The following NEGR1 variants were observed in gnomAD, a reference collection of about 807,000 sequenced individuals.
NEGR1 encodes the protein neuronal growth regulator 1.
Under a neutral mutation model 40.9 loss-of-function variants are expected in NEGR1, and 10 were observed. The ratio of observed to expected loss-of-function variants is 0.24; its 90% CI spans 0.15 to 0.42. NEGR1 has a LOEUF of 0.42. NEGR1 is among the 10% of genes least tolerant of loss of function. The pLI, the probability that NEGR1 is intolerant of heterozygous loss-of-function variation, is 1.00. For synonymous variants in NEGR1, 185 were observed against 166.8 expected, an observed-to-expected ratio of 1.11 and a Z score of -0.84; for missense variants, 352 against 438.9, an observed-to-expected ratio of 0.80 and a Z score of 1.77.
At chr1:72,157,067 A>G (rs1651387088) in intron 1 of NEGR1, among the ~76,000 whole-genome samples, 2 of 151,948 alleles carry the variant, frequency 1.3e-5, no homozygotes, top group Admixed American at 1.3e-4. Context: ...AGCTCAAGCA[A>G]TCCTCCTACC....
chr1:71,686,874 C>T (rs1232121970), intron 4 of NEGR1, among the ~76,000 whole-genome samples: 2 of 152,098 alleles, frequency 1.3e-5, no homozygotes. Flanking sequence ...TTGACATCCA[C>T]AGGGAAAAAC....
chr1:71,901,336 C>T (rs551743073), intron 2 of NEGR1, among the ~76,000 whole-genome samples: 111 of 152,252 alleles, frequency 7.3e-4, no homozygotes, highest in African/African-American at 2.1e-3. Context: ...CTGGCACATT[C>T]GTACAATTAT....
intron 1 of NEGR1, among the ~76,000 whole-genome samples, chr1:72,276,340 T>A (rs531527004): frequency 6.6e-6 from 1 of 152,136 alleles, no homozygotes; most frequent in Non-Finnish European, 1.5e-5. Flanking sequence ...TAAAGAAAGA[T>A]CTTTAATTTT....
chr1:72,213,416 C>A (rs113766516), intron 1 of NEGR1, among the ~76,000 whole-genome samples: 64 of 151,888 alleles, frequency 4.2e-4, no homozygotes, highest in African/African-American at 1.4e-3. Flanking sequence ...ATAAATTATG[C>A]AGTTTAAAAA....
intron 1 of NEGR1, among the ~76,000 whole-genome samples, chr1:72,153,912 G>T (rs1651257804): frequency 6.6e-6 from 1 of 151,430 alleles, no homozygotes; most frequent in South Asian, 2.1e-4. Context: ...AACAAACTAA[G>T]GGCTGAAAGT....
chr1:72,096,652 A>C (rs1648710310), intron 1 of NEGR1, among the ~76,000 whole-genome samples: 1 of 150,834 alleles, frequency 6.6e-6, no homozygotes, highest in Non-Finnish European at 1.5e-5. Context: ...TTTTACTTTT[A>C]TTTTATTTTA....
At chr1:71,980,663 G>A (rs1243844387) in intron 1 of NEGR1, among the ~76,000 whole-genome samples, 1 of 151,988 alleles carries the variant, frequency 6.6e-6, no homozygotes, top group African/African-American at 2.4e-5. Context: ...AAGCCCCTTA[G>A]CCCATAACAT....
chr1:71,964,000 A>T (rs540027321), intron 1 of NEGR1, among the ~76,000 whole-genome samples: 1 of 152,314 alleles, frequency 6.6e-6, no homozygotes, highest in African/African-American at 2.4e-5. Context: ...AATCAAAATG[A>T]TGAGGGGTGG....
At chr1:72,202,862 A>G (rs1653264430) in intron 1 of NEGR1, among the ~76,000 whole-genome samples, 1 of 152,072 alleles carries the variant, frequency 6.6e-6, no homozygotes, top group African/African-American at 2.4e-5. Flanking sequence ...ATTATGCTCA[A>G]TCAACTCTGC....
At chr1:71,810,831 C>A (rs1335465049) in intron 2 of NEGR1, among the ~76,000 whole-genome samples, 1 of 152,098 alleles carries the variant, frequency 6.6e-6, no homozygotes, top group Non-Finnish European at 1.5e-5. Flanking sequence ...CCTGAGGCCT[C>A]CCCAGCCATG....
At chr1:71,742,953 C>A (rs1655263365) in intron 3 of NEGR1, among the ~76,000 whole-genome samples, 1 of 152,108 alleles carries the variant, frequency 6.6e-6, no homozygotes, top group Non-Finnish European at 1.5e-5. Context: ...ATGTGGGTGG[C>A]ACTCCCATGA....
chr1:71,926,823 T>C (rs985255687), intron 2 of NEGR1, among the ~76,000 whole-genome samples: 6 of 152,124 alleles, frequency 3.9e-5, no homozygotes, highest in Non-Finnish European at 7.4e-5. Context: ...GACCTTACAT[T>C]AGGCAATACA....
At chr1:72,024,125 T>G (rs1253684058) in intron 1 of NEGR1, among the ~76,000 whole-genome samples, 1 of 152,184 alleles carries the variant, frequency 6.6e-6, no homozygotes, top group East Asian at 1.9e-4. Context: ...TAGATTAGAA[T>G]GTTTGATTTC....
chr1:71,855,872 A>G (rs1360194160), intron 2 of NEGR1, among the ~76,000 whole-genome samples: 1 of 152,038 alleles, frequency 6.6e-6, no homozygotes, highest in Admixed American at 6.6e-5. Flanking sequence ...TATGTTAGAA[A>G]TTTCAGACTT....
chr1:71,633,288 T>C (rs990600665), intron 4 of NEGR1, among the ~76,000 whole-genome samples: 5 of 152,128 alleles, frequency 3.3e-5, no homozygotes, highest in Non-Finnish European at 7.4e-5. Flanking sequence ...TTTTTTGTCA[T>C]CTCTTCAGTA....
intron 2 of NEGR1, among the ~76,000 whole-genome samples, chr1:71,785,143 C>A (rs1656864168): frequency 6.6e-6 from 1 of 152,174 alleles, no homozygotes; most frequent in Non-Finnish European, 1.5e-5. Context: ...AGATATAAAA[C>A]ACTGCTTAAA....
intron 1 of NEGR1, among the ~76,000 whole-genome samples, chr1:72,091,100 C>T (rs919656950): frequency 1.1e-4 from 17 of 152,080 alleles, no homozygotes; most frequent in African/African-American, 3.4e-4. Context: ...TGGGTTCGGT[C>T]AGAGTTTTCC....
At chr1:72,073,028 T>C (rs1024376500) in intron 1 of NEGR1, among the ~76,000 whole-genome samples, 4 of 152,260 alleles carry the variant, frequency 2.6e-5, no homozygotes, top group South Asian at 4.2e-4. Context: ...AGGACATTTA[T>C]TGGGGAATGC....
intron 4 of NEGR1, among the ~76,000 whole-genome samples, chr1:71,647,075 C>A (rs549947051): frequency 3.0e-4 from 46 of 151,854 alleles, no homozygotes; most frequent in African/African-American, 1.1e-3. Context: ...AATGGAATAG[C>A]TACTTTATTG....
Sources: allele counts gnomAD v4.1 joint callset (sites outside exome capture counted in the v4.1 genomes callset), GRCh38; gene constraint gnomAD v4.1.1; transcripts MANE v1.5; gene names NCBI Gene and HGNC (gene_info 2026-07-23, HGNC 2026-07-21).